SLC2A9: variants seen among roughly 807,000 people sequenced by gnomAD.
SLC2A9 encodes the protein solute carrier family 2, facilitated glucose transporter member 9.
A neutral mutation model predicts 50.6 loss-of-function variants in SLC2A9; 39 were observed. That is an observed-to-expected ratio of 0.77 (90% CI 0.60 to 1.01). SLC2A9 has a LOEUF of 1.01. Ranked by LOEUF, SLC2A9 falls within the 50% of genes least tolerant of loss-of-function variation. The pLI is 0.00. For synonymous variants in SLC2A9, 324 were observed against 276.9 expected, an observed-to-expected ratio of 1.17 and a Z score of -1.69; for missense variants, 686 against 677.6, an observed-to-expected ratio of 1.01 and a Z score of -0.14.
intron 10 of SLC2A9, among the ~76,000 whole-genome samples, chr4:9,875,417 G>GGCCATAGGTTAC (rs1734156809): frequency 1.3e-5 from 2 of 152,232 alleles, no homozygotes; most frequent in Non-Finnish European, 1.5e-5. Flanking sequence ...CTTTAGAAAT[G>GGCCATAGGTTAC]TCTTCTTGTG....
intron 2 of SLC2A9, among the ~76,000 whole-genome samples, chr4:10,008,676 G>A (rs1243280464): frequency 2.0e-5 from 3 of 152,178 alleles, no homozygotes; most frequent in South Asian, 2.1e-4. Context: ...CACATTAAAA[G>A]CGGCCTCTGG....
chr4:10,029,561 TTTTA>T (rs1214264305), intron 1 of SLC2A9, among the ~76,000 whole-genome samples: 24 of 111,384 alleles, frequency 2.2e-4, no homozygotes, highest in African/African-American at 1.0e-3. Flanking sequence ...TTTTATTTTA[TTTTA>T]TTTATTTTAT....
intron 3 of SLC2A9, among the ~76,000 whole-genome samples, chr4:9,804,882 G>A (rs368596850): frequency 1.3e-5 from 2 of 152,184 alleles, no homozygotes; most frequent in South Asian, 4.1e-4. Flanking sequence ...ACAGGGGGAA[G>A]TAGTTGGAAG....
chr4:9,953,136 C>A (rs1422100649), intron 5 of SLC2A9, among the ~76,000 whole-genome samples: 2 of 152,204 alleles, frequency 1.3e-5, no homozygotes, highest in Non-Finnish European at 2.9e-5. Context: ...AGGTTCGGAT[C>A]GCATCTTGGT....
At chr4:9,878,574 C>T (rs1320403742) in intron 10 of SLC2A9, among the ~76,000 whole-genome samples, 1 of 152,006 alleles carries the variant, frequency 6.6e-6, no homozygotes, top group African/African-American at 2.4e-5. Flanking sequence ...ACCCCCATAC[C>T]TTCTGTATGC....
intron 10 of SLC2A9, among the ~76,000 whole-genome samples, chr4:9,856,076 G>A (rs926055814): frequency 3.3e-5 from 5 of 152,068 alleles, no homozygotes; most frequent in East Asian, 3.8e-4. Context: ...TGACAAAGAC[G>A]CCAAAAGCCA....
intron 3 of SLC2A9, among the ~76,000 whole-genome samples, chr4:9,785,176 T>C (rs567206059): frequency 1.2e-3 from 178 of 152,280 alleles, no homozygotes; most frequent in Non-Finnish European, 2.0e-3. Flanking sequence ...TGACCTTGAG[T>C]GAGTCAATTA....
chr4:9,799,701 C>CCCG (rs1553813271), intron 3 of SLC2A9, among the ~76,000 whole-genome samples: 1 of 33,674 alleles, frequency 3.0e-5, no homozygotes, highest in Non-Finnish European at 1.2e-4. Context: ...TACCCCCCCC[C>CCCG]CACCCAACTT....
chr4:9,832,329 A>G (rs1726306465), intron 11 of SLC2A9, among the ~76,000 whole-genome samples: 1 of 152,174 alleles, frequency 6.6e-6, no homozygotes. Flanking sequence ...CAGCCCCCTG[A>G]GCCCAGCTCT....
chr4:9,879,333 C>T (rs1734816136), intron 10 of SLC2A9: 5 of 985,072 alleles, frequency 5.1e-6, no homozygotes, highest in South Asian at 4.7e-5. Flanking sequence ...ATAGCACATG[C>T]AAAGGCTGAG....
rs188827691 is a variant in SLC2A9, at chr4:9,906,827, C to T, written c.1113+1408G>A. Among the ~76,000 whole-genome samples the T allele has an allele frequency of 2.0e-5, 3 of 152,320 alleles. No individual in the cohort carries two copies. In the East Asian group the frequency reaches 5.8e-4, roughly 29 times the overall value. ...AAACAAAACTGGGTGCAGTCTATAA[C>T]TTGAGAATAACAAGAATGAATCTTG... On this transcript the variant is annotated intron_variant, in intron 8 of 11. Transcript: ENST00000264784.
chr4:9,867,479 T>A (rs1335683819), intron 10 of SLC2A9, among the ~76,000 whole-genome samples: 1 of 152,188 alleles, frequency 6.6e-6, no homozygotes, highest in Non-Finnish European at 1.5e-5. Flanking sequence ...AAGTACTCAA[T>A]AAATAGTATT....
chr4:9,873,285 G>C (rs1476747374), intron 10 of SLC2A9, among the ~76,000 whole-genome samples: 1 of 152,190 alleles, frequency 6.6e-6, no homozygotes, highest in Non-Finnish European at 1.5e-5. Flanking sequence ...CTTTCTAGTA[G>C]GCTCTCAGTG....
intron 10 of SLC2A9, among the ~76,000 whole-genome samples, chr4:9,862,883 C>G (rs1197506214): frequency 2.6e-5 from 4 of 152,006 alleles, no homozygotes; most frequent in African/African-American, 9.7e-5. Context: ...GGGGTATCTC[C>G]TGTGCCTGGA....
At chr4:9,901,782 G>C (rs1739675880) in intron 8 of SLC2A9, among the ~76,000 whole-genome samples, 1 of 152,122 alleles carries the variant, frequency 6.6e-6, no homozygotes, top group Non-Finnish European at 1.5e-5. Context: ...CTGTCCTAGA[G>C]GGAGACCCAT....
upstream of SLC2A9, among the ~76,000 whole-genome samples, chr4:10,024,360 A>C (rs561271352): frequency 2.6e-5 from 4 of 152,254 alleles, no homozygotes; most frequent in Admixed American, 2.0e-4. Flanking sequence ...AGGGTTTTTG[A>C]AGAGGTAATT....
chr4:9,881,058 C>T (rs1735117287), intron 10 of SLC2A9, among the ~76,000 whole-genome samples: 1 of 152,206 alleles, frequency 6.6e-6, no homozygotes, highest in South Asian at 2.1e-4. Flanking sequence ...TCTCACCCTG[C>T]ACTCCGGGGA....
At chr4:9,818,468 A>G (rs1723942358) in intron 3 of SLC2A9, among the ~76,000 whole-genome samples, 1 of 152,176 alleles carries the variant, frequency 6.6e-6, no homozygotes, top group Admixed American at 6.5e-5. Flanking sequence ...GAACTCAACT[A>G]CTCAACTCTG....
intron 10 of SLC2A9, among the ~76,000 whole-genome samples, chr4:9,882,244 G>A (rs568183640): frequency 6.6e-6 from 1 of 152,128 alleles, no homozygotes; most frequent in Non-Finnish European, 1.5e-5. Context: ...AAAAGCAGGA[G>A]CCCCCTCCCC....
Sources: gnomAD v4.1 joint callset for allele counts (sites outside exome capture counted in the v4.1 genomes callset) on GRCh38, gnomAD v4.1.1 for gene constraint, MANE v1.5 for transcripts, NCBI Gene and HGNC (gene_info 2026-07-23, HGNC 2026-07-21) for gene names.